The following PRKN variants were observed in gnomAD, a reference collection of about 807,000 sequenced individuals.
PRKN encodes E3 ubiquitin-protein ligase parkin.
In PRKN, 56 loss-of-function variants were observed where a neutral mutation model predicts 59.5. The observed-to-expected ratio is 0.94, with a 90% CI of 0.76 to 1.18. PRKN has a LOEUF of 1.18. Among genes scored for constraint, PRKN ranks in the 50% most tolerant of loss-of-function variants. PRKN has a pLI of 0.00. For synonymous variants in PRKN, 250 were observed against 222.1 expected, an observed-to-expected ratio of 1.13 and a Z score of -1.12; for missense variants, 657 against 596.4, an observed-to-expected ratio of 1.10 and a Z score of -1.06.
At position 162,181,526 on chromosome 6, in the gene PRKN, GAAAA is replaced by G. The variant is rs1783804040; in HGVS notation, c.534+19601_534+19604del. Among the ~76,000 whole-genome samples, 5 of 152,158 alleles carry G rather than the reference GAAAA, an allele frequency of 3.3e-5. No homozygotes were observed. In the South Asian group the frequency reaches 1.0e-3, roughly 32 times the overall value. Reference sequence around the variant, plus strand: ...GGAAGGTAATCAGAAAATGAAGAAAGAAAAAGAGAAATAAATGCATAAAGAGGGT... The same window carrying G: ...GGAAGGTAATCAGAAAATGAAGAAAGAGAGAAATAAATGCATAAAGAGGGT... On this transcript the variant is annotated intron_variant, in intron 4 of 11. Transcript: ENST00000366898.
At chr6:161,596,187 T>C (rs574193876) in intron 7 of PRKN, among the ~76,000 whole-genome samples, 1 of 152,256 alleles carries the variant, frequency 6.6e-6, no homozygotes, top group South Asian at 2.1e-4. Context: ...CCCTTGAGCA[T>C]GAGGCAGAAC....
chr6:162,198,993 G>T (rs563567062), intron 4 of PRKN, among the ~76,000 whole-genome samples: 1 of 152,122 alleles, frequency 6.6e-6, no homozygotes, highest in South Asian at 2.1e-4. Context: ...CCAGATTGAT[G>T]ATTTCTTTTG....
rs16892518 is a variant in PRKN, at chr6:161,423,215, G to A, written c.1084-36338C>T. Among the ~76,000 whole-genome samples the A allele has an allele frequency of 0.022, 3,284 of 152,208 alleles. 47 individuals are homozygous for A. Among genetic ancestry groups the A allele is most frequent in the Middle Eastern group, 0.037 (11 of 294 alleles). On this transcript the variant is annotated intron_variant, in intron 9 of 11. Coordinates refer to ENST00000366898, the MANE Select transcript of PRKN (RefSeq NM_004562.3). This position sits in a 1 kb window ranked among gnomAD's most constrained non-coding sequence, Gnocchi z 5.9. ...TTGGGACGTCCTCATCTGAGAAGACGTGGCCCCCAAATGAATAGGGAGGCA... is the reference window on the plus strand; with the variant it reads ...TTGGGACGTCCTCATCTGAGAAGACATGGCCCCCAAATGAATAGGGAGGCA...
At chr6:162,448,804 TTCTC>T (rs1230593521) in intron 1 of PRKN, among the ~76,000 whole-genome samples, 3 of 149,234 alleles carry the variant, frequency 2.0e-5, no homozygotes, top group Non-Finnish European at 4.5e-5. Context: ...TTCTTTCTCT[TTCTC>T]TTTCTTTCTC....
chr6:161,693,802 C>T (rs1785903971), intron 7 of PRKN, among the ~76,000 whole-genome samples: 1 of 152,116 alleles, frequency 6.6e-6, no homozygotes, highest in Non-Finnish European at 1.5e-5. Flanking sequence ...GATGTATGGC[C>T]AATTCCCAAA....
At chr6:162,121,476 C>G (rs1780913740) in intron 4 of PRKN, among the ~76,000 whole-genome samples, 1 of 152,182 alleles carries the variant, frequency 6.6e-6, no homozygotes, top group African/African-American at 2.4e-5. Flanking sequence ...GTCACTTGTA[C>G]TGCTTTCACC....
At chr6:161,439,512 G>T (rs73782902) in intron 9 of PRKN, among the ~76,000 whole-genome samples, 1 of 152,198 alleles carries the variant, frequency 6.6e-6, no homozygotes, top group Non-Finnish European at 1.5e-5. Flanking sequence ...AGGCAGCTCC[G>T]TCTGTAATTA....
At chr6:161,975,083 TTC>T (rs1780973152) in intron 5 of PRKN, among the ~76,000 whole-genome samples, 2 of 149,640 alleles carry the variant, frequency 1.3e-5, no homozygotes, top group South Asian at 4.2e-4. Flanking sequence ...TGACATATAC[TTC>T]TTTTTTTTTT....
intron 4 of PRKN, among the ~76,000 whole-genome samples, chr6:162,188,997 G>A (rs1784149913): frequency 6.6e-6 from 1 of 151,802 alleles, no homozygotes; most frequent in South Asian, 2.1e-4. Context: ...CGACTGCAAA[G>A]TTGATTCCTA....
intron 1 of PRKN, among the ~76,000 whole-genome samples, chr6:162,457,780 A>G (rs1790950203): frequency 6.6e-6 from 1 of 152,140 alleles, no homozygotes; most frequent in Non-Finnish European, 1.5e-5. Context: ...TCATTTTTAT[A>G]TAGACAATTT....
chr6:162,684,509 T>C (rs1562494962), intron 1 of PRKN, among the ~76,000 whole-genome samples: 1 of 152,278 alleles, frequency 6.6e-6, no homozygotes, highest in East Asian at 1.9e-4. Context: ...TGACAACCTT[T>C]ACAATGTATC....
intron 2 of PRKN, among the ~76,000 whole-genome samples, chr6:162,386,837 CCTT>C (rs1786849265): frequency 6.6e-6 from 1 of 152,144 alleles, no homozygotes; most frequent in South Asian, 2.1e-4. Flanking sequence ...TCAATCTAAA[CCTT>C]TTTTGCAGGG....
chr6:161,555,170 C>T (rs2315322), intron 8 of PRKN, among the ~76,000 whole-genome samples: 61,286 of 151,748 alleles, frequency 0.4, 12,533 homozygotes, highest in East Asian at 0.64. Context: ...TTTAGAATTT[C>T]CTTCACTTTT....
In PRKN at chr6:162,387,998, G is replaced by A. The variant is rs550252175; in HGVS notation, c.171+55312C>T. Among the ~76,000 whole-genome samples, 55 of 152,304 alleles carry A rather than the reference G, an allele frequency of 3.6e-4. No individual in the cohort carries two copies. The South Asian group carries it at 0.011, about 30-fold the overall frequency. On this transcript the variant is annotated intron_variant, in intron 2 of 11. Transcript: ENST00000366898. ...AGGTCCTTGTAAAACACACGGTCTC[G>A]TGGGGAAGGCAGAGCCAACAACACA...
intron 4 of PRKN, among the ~76,000 whole-genome samples, chr6:162,169,940 G>A (rs576191581): frequency 2.0e-5 from 3 of 152,278 alleles, no homozygotes; most frequent in East Asian, 3.9e-4. Flanking sequence ...GCAGTTAAAC[G>A]TGATGGGGGA....
At chr6:162,204,087 C>T (rs1784840450) in intron 3 of PRKN, among the ~76,000 whole-genome samples, 1 of 152,138 alleles carries the variant, frequency 6.6e-6, no homozygotes, top group East Asian at 1.9e-4. Context: ...TGCTACTTCA[C>T]CTCTAAATTC....
intron 1 of PRKN, among the ~76,000 whole-genome samples, chr6:162,529,206 T>A (rs1778408559): frequency 1.3e-5 from 2 of 152,166 alleles, no homozygotes; most frequent in Admixed American, 6.6e-5. Context: ...ACATTTATAC[T>A]GATTAGTTTA....
At position 161,561,701 on chromosome 6, in the gene PRKN, C is replaced by T. The variant is rs1780460513; in HGVS notation, c.933+7654G>A. The stretch of plus-strand genomic sequence containing the variant: ...TCCAAAGTACTTCCCTTCTTCAGTT[C>T]TTGGATCTCTCTCTCAAATTACCGG... On this transcript the variant is annotated intron_variant, in intron 8 of 11. Transcript: ENST00000366898. The surrounding 1 kb of genome is among the most constrained non-coding windows in gnomAD (Gnocchi z 5.0). Among the ~76,000 whole-genome samples the T allele has an allele frequency of 6.6e-6, 1 of 152,122 alleles. No individual in the cohort carries two copies. Among genetic ancestry groups the T allele is most frequent in the Non-Finnish European group, 1.5e-5 (1 of 68,010 alleles).
chr6:161,797,881 A>G (rs925469518), intron 6 of PRKN, among the ~76,000 whole-genome samples: 13 of 152,200 alleles, frequency 8.5e-5, no homozygotes, highest in Non-Finnish European at 1.8e-4. Flanking sequence ...TATAATAAAA[A>G]TCAATATGGC....
Sources: gnomAD v4.1 joint callset for allele counts (sites outside exome capture counted in the v4.1 genomes callset) on GRCh38, gnomAD v4.1.1 for gene constraint, Gnocchi (gnomAD v3.1) non-coding constraint, MANE v1.5 for transcripts, NCBI Gene and HGNC (gene_info 2026-07-23, HGNC 2026-07-21) for gene names.